Variants in COL8A1 observed in about 807,000 individuals in gnomAD.
COL8A1 encodes the protein collagen alpha-1(VIII) chain.
COL8A1 carries 21 observed loss-of-function variants against 42.7 expected under a neutral mutation model. The ratio of observed to expected loss-of-function variants is 0.49; its 90% confidence interval spans 0.35 to 0.71. The LOEUF (loss-of-function observed/expected upper bound fraction) is 0.71. Among genes scored for constraint, COL8A1 ranks in the 30% least tolerant of loss-of-function variants. The pLI, the probability that COL8A1 is intolerant of heterozygous loss-of-function variation, is 0.01. For synonymous variants in COL8A1, 367 were observed against 369.1 expected (o/e 0.99, Z 0.06); for missense variants, 788 against 962.4 (o/e 0.82, Z 2.40).
chr3:99,785,411 A>G (rs1394093304), intron 2 of COL8A1, among the ~76,000 whole-genome samples: 1 of 152,246 alleles, frequency 6.6e-6, no homozygotes, highest in Non-Finnish European at 1.5e-5. Flanking sequence ...TGGACAAAAA[A>G]CAACAAGAAA....
chr3:99,738,164 G>C (rs540193182), intron 1 of COL8A1, among the ~76,000 whole-genome samples: 71 of 152,220 alleles, frequency 4.7e-4, no homozygotes, highest in African/African-American at 1.5e-3. Context: ...TTTGCCTTTG[G>C]TTTGAATGTC....
At chr3:99,707,009 C>T (rs1156421936) in intron 1 of COL8A1, 2 of 151,670 alleles carry the variant, frequency 1.3e-5, no homozygotes, top group Non-Finnish European at 2.9e-5. Context: ...TACAATGATA[C>T]AAATAACATA....
chr3:99,647,467 T>G (rs935926472), intron 1 of COL8A1, among the ~76,000 whole-genome samples: 9 of 151,480 alleles, frequency 5.9e-5, no homozygotes, highest in African/African-American at 2.2e-4. Flanking sequence ...GCCAGAAATA[T>G]TATTCAAGTC....
chr3:99,793,580 A>T (rs1942042427), intron 3 of COL8A1, among the ~76,000 whole-genome samples: 1 of 152,134 alleles, frequency 6.6e-6, no homozygotes, highest in African/African-American at 2.4e-5. Context: ...CACTATAATA[A>T]ACACACCATA....
At chr3:99,790,581 G>C in intron 2 of COL8A1, 99 bp from the exon 3 acceptor site, 1 of 902,510 alleles carries the variant, frequency 1.1e-6, no homozygotes, top group South Asian at 1.7e-5. Flanking sequence ...TGATGTTAAA[G>C]ACTGTTTCCC....
intron 1 of COL8A1, among the ~76,000 whole-genome samples, chr3:99,694,743 A>G (rs1939320847): frequency 6.6e-6 from 1 of 152,196 alleles, no homozygotes; most frequent in African/African-American, 2.4e-5. Flanking sequence ...TTCATCTTAT[A>G]TAAGATTGCA....
intron 1 of COL8A1, among the ~76,000 whole-genome samples, chr3:99,727,651 G>A (rs1443890211): frequency 1.3e-5 from 2 of 151,882 alleles, no homozygotes; most frequent in Non-Finnish European, 2.9e-5. Flanking sequence ...TGAGGCTAAC[G>A]TCATCCTGAT....
At chr3:99,665,581 A>G (rs558458803) in intron 1 of COL8A1, among the ~76,000 whole-genome samples, 1 of 148,340 alleles carries the variant, frequency 6.7e-6, no homozygotes, top group South Asian at 2.1e-4. Context: ...CACATAAAAT[A>G]TTGCCTTTTA....
At chr3:99,711,886 A>T (rs1284492176) in intron 1 of COL8A1, among the ~76,000 whole-genome samples, 3 of 152,116 alleles carry the variant, frequency 2.0e-5, no homozygotes, top group African/African-American at 4.8e-5. Flanking sequence ...ATGATGATTT[A>T]TGTCTATCAA....
intron 1 of COL8A1, among the ~76,000 whole-genome samples, chr3:99,702,513 A>T (rs2107347923): frequency 6.6e-6 from 1 of 152,338 alleles, no homozygotes; most frequent in Admixed American, 6.5e-5. Context: ...TTCCAATTAA[A>T]TCAACATGTT....
Position 99,791,077 on chromosome 3 carries a change from G to A in COL8A1, c.328+67G>A, listed in dbSNP as rs928967438. On this transcript the variant is annotated intron_variant, in intron 3 of 3. Transcript: ENST00000652472. Reference sequence around the variant, plus strand: ...CAAATCTCTAAATTATGGGATCAGAGGGGGAAGATAAATTTTAGAAGCTTT... The same window carrying A: ...CAAATCTCTAAATTATGGGATCAGAAGGGGAAGATAAATTTTAGAAGCTTT... 27 of 1,384,998 alleles carry A rather than the reference G, an allele frequency of 1.9e-5. 1 individual carries two copies. The highest frequency in any genetic ancestry group is 1.8e-4 in the Middle Eastern group (1 of 5,444). 85.8% of individuals were successfully genotyped at this position (1,384,998 alleles called of 1,614,324 possible).
intron 1 of COL8A1, among the ~76,000 whole-genome samples, chr3:99,686,512 C>G (rs905939587): frequency 6.6e-6 from 1 of 152,066 alleles, no homozygotes; most frequent in Non-Finnish European, 1.5e-5. Flanking sequence ...CTAAGAAGAA[C>G]AGTGAAGATT....
At chr3:99,717,683 C>T (rs922234862) in intron 1 of COL8A1, among the ~76,000 whole-genome samples, 2 of 151,916 alleles carry the variant, frequency 1.3e-5, no homozygotes, top group African/African-American at 4.8e-5. Context: ...TGAGCCCAAA[C>T]CCCAATTAGG....
At chr3:99,647,241 C>T (rs557285569) in intron 1 of COL8A1, among the ~76,000 whole-genome samples, 4 of 152,250 alleles carry the variant, frequency 2.6e-5, no homozygotes, top group African/African-American at 9.6e-5. Context: ...TACGGAACAG[C>T]TTAAGAATAG....
intron 1 of COL8A1, among the ~76,000 whole-genome samples, chr3:99,663,613 T>G (rs1938274672): frequency 6.6e-6 from 1 of 152,184 alleles, no homozygotes; most frequent in South Asian, 2.1e-4. Context: ...AATCATATTT[T>G]CCAACAATAC....
intron 1 of COL8A1, among the ~76,000 whole-genome samples, chr3:99,723,308 C>T (rs1364268478): frequency 2.6e-5 from 4 of 151,992 alleles, no homozygotes; most frequent in Admixed American, 2.6e-4. Context: ...AAGAGAGATA[C>T]CTATCGGCTC....
At chr3:99,775,353 T>C (rs143336736) in intron 2 of COL8A1, among the ~76,000 whole-genome samples, 7 of 152,254 alleles carry the variant, frequency 4.6e-5, no homozygotes, top group African/African-American at 1.7e-4. Flanking sequence ...CCCATCCATG[T>C]GCATGTTTGG....
intron 1 of COL8A1, among the ~76,000 whole-genome samples, chr3:99,695,467 A>G (rs1412771930): frequency 6.6e-6 from 1 of 152,146 alleles, no homozygotes; most frequent in Non-Finnish European, 1.5e-5. Flanking sequence ...TTTCACCATC[A>G]TGGGTGAGAT....
chr3:99,727,173 C>A (rs1023133429), intron 1 of COL8A1, among the ~76,000 whole-genome samples: 1 of 152,118 alleles, frequency 6.6e-6, no homozygotes, highest in Non-Finnish European at 1.5e-5. Flanking sequence ...CTCTTTGAAG[C>A]AATTGTGAAT....
Sources: allele counts gnomAD v4.1 joint callset (sites outside exome capture counted in the v4.1 genomes callset), GRCh38; gene constraint gnomAD v4.1.1; transcripts MANE v1.5; gene names NCBI Gene and HGNC (gene_info 2026-07-23, HGNC 2026-07-21).